The following G2E3 variants were observed in gnomAD, a reference collection of about 807,000 sequenced individuals.
The protein encoded by G2E3 is G2/M-phase specific E3 ubiquitin protein ligase, also known as G2/M phase-specific E3 ubiquitin-protein ligase.
Under a neutral mutation model 92.8 loss-of-function variants are expected in G2E3, and 35 were observed. The observed-to-expected ratio is 0.38, with a 90% CI of 0.29 to 0.50. The LOEUF is 0.50. G2E3 is among the 20% of genes least tolerant of loss of function. The pLI, the probability that G2E3 is intolerant of heterozygous loss-of-function variation, is 0.94. For synonymous variants in G2E3, 242 were observed against 272.4 expected (o/e 0.89, Z 1.10); for missense variants, 554 against 823.8 (o/e 0.67, Z 4.01).
intron 12 of G2E3, chr14:30,611,871 T>C (rs544274811): frequency 2.4e-4 from 42 of 173,088 alleles, no homozygotes; most frequent in Non-Finnish European, 4.4e-4. Context: ...AGGATGTTCT[T>C]GAACTTCTGG....
intron 13 of G2E3, among the ~76,000 whole-genome samples, chr14:30,615,039 G>A (rs1882249986): frequency 6.6e-6 from 1 of 152,042 alleles, no homozygotes; most frequent in Non-Finnish European, 1.5e-5. Context: ...AGATTTTGAT[G>A]TCTTTCTTAC....
Position 30,598,647 on chromosome 14 carries a change from T to C in G2E3, c.752+48T>C, listed in dbSNP as rs781329144. The C allele has an allele frequency of 5.2e-6, 6 of 1,151,358 alleles. No individual in the cohort carries two copies. In the East Asian group the frequency reaches 1.4e-4, roughly 27 times the overall value. The allele number at this position is 1,151,358 out of a possible 1,614,324, so 71.3% of individuals were successfully genotyped here. The stretch of plus-strand genomic sequence containing the variant: ...GCTTAGTGGTTCCTTGTTTAAACCT[T>C]CTGCTGAGAAAGTAGATTTTATAGT... On this transcript the variant is annotated intron_variant, in intron 8 of 14. Coordinates refer to ENST00000206595, the MANE Select transcript of G2E3 (RefSeq NM_017769.5).
At chr14:30,576,356 C>A (rs950427242) in intron 1 of G2E3, among the ~76,000 whole-genome samples, 1 of 152,154 alleles carries the variant, frequency 6.6e-6, no homozygotes, top group Non-Finnish European at 1.5e-5. Context: ...TAACACCATA[C>A]ACAAAAACCA....
intron 3 of G2E3, among the ~76,000 whole-genome samples, chr14:30,588,730 A>C (rs986475546): frequency 6.6e-6 from 1 of 152,194 alleles, no homozygotes; most frequent in Admixed American, 6.5e-5. Context: ...CAGAAGTTTC[A>C]GCAGAGCCTG....
intron 1 of G2E3, among the ~76,000 whole-genome samples, chr14:30,563,950 C>T (rs1229718182): frequency 2.6e-5 from 4 of 152,238 alleles, no homozygotes; most frequent in Admixed American, 1.3e-4. Context: ...AATTCCTGAC[C>T]TCAAGGGATC....
At chr14:30,601,588 T>G (rs1881569080) in intron 8 of G2E3, among the ~76,000 whole-genome samples, 182 bp from the exon 9 acceptor site, 1 of 152,174 alleles carries the variant, frequency 6.6e-6, no homozygotes, top group Admixed American at 6.5e-5. Flanking sequence ...GTGTGATAAG[T>G]TAGTTTTGGT....
intron 1 of G2E3, chr14:30,577,821 G>A (rs1340162392): frequency 6.6e-6 from 1 of 152,198 alleles, no homozygotes; most frequent in Admixed American, 6.5e-5. Context: ...AAGTATGAAA[G>A]TGTATCACTG....
At chr14:30,576,855 C>T in intron 1 of G2E3, among the ~76,000 whole-genome samples, 1 of 152,116 alleles carries the variant, frequency 6.6e-6, no homozygotes, top group Non-Finnish European at 1.5e-5. Context: ...CAATCAATTT[C>T]TCTTTCAAGT....
intron 1 of G2E3, among the ~76,000 whole-genome samples, chr14:30,570,187 C>T (rs112891974): frequency 2.0e-5 from 3 of 152,128 alleles, no homozygotes; most frequent in African/African-American, 7.2e-5. Context: ...GAATTTGGCT[C>T]TTAATCTTAT....
intron 1 of G2E3, among the ~76,000 whole-genome samples, chr14:30,572,616 A>T (rs1879833038): frequency 6.6e-6 from 1 of 152,170 alleles, no homozygotes; most frequent in Non-Finnish European, 1.5e-5. Context: ...TGAGATGGTC[A>T]TACTTTTTTC....
At chr14:30,586,128 A>G (rs573470885) in intron 2 of G2E3, among the ~76,000 whole-genome samples, 1 of 152,352 alleles carries the variant, frequency 6.6e-6, no homozygotes, top group South Asian at 2.1e-4. Flanking sequence ...GTTCTGAGGC[A>G]GGTGAAAGAA....
Position 30,612,333 on chromosome 14 carries a change from A to G in G2E3, c.1627A>G (p.Ile543Val). ...LSDKYMLVKD[I>V]LGYHVIQRVH... The stretch of plus-strand genomic sequence containing the variant: ...TGATAAATATATGTTAGTAAAAGAC[A>G]TACTTGGCTACCATGTAATTCAGAG... Residue 543 changes from isoleucine (I) to valine (V), a missense_variant, in exon 13 of 15, where the codon ATA (isoleucine) becomes GTA (valine). Transcript: ENST00000206595. 6.2e-7 allele frequency: 1 copy of G among 1,608,526 alleles called. No homozygotes were observed. The highest frequency in any genetic ancestry group is 8.5e-7 in the Non-Finnish European group (1 of 1,176,000).
intron 6 of G2E3, among the ~76,000 whole-genome samples, chr14:30,596,737 G>A (rs1000379087): frequency 1.3e-5 from 2 of 152,170 alleles, no homozygotes; most frequent in Admixed American, 6.5e-5. Flanking sequence ...ATTCCTTGAA[G>A]TCGAAGCTGT....
At chr14:30,562,845 A>G (rs537306789) in intron 1 of G2E3, among the ~76,000 whole-genome samples, 1 of 152,330 alleles carries the variant, frequency 6.6e-6, no homozygotes, top group Non-Finnish European at 1.5e-5. Flanking sequence ...ATAATGGTGT[A>G]AGCTGTCTCT....
intron 1 of G2E3, among the ~76,000 whole-genome samples, chr14:30,572,921 C>T (rs1879851828): frequency 6.6e-6 from 1 of 151,926 alleles, no homozygotes; most frequent in South Asian, 2.1e-4. Flanking sequence ...CTTCAATGCC[C>T]CTAGTACTCT....
chr14:30,570,491 T>G (rs1296828332), intron 1 of G2E3, among the ~76,000 whole-genome samples: 1 of 152,172 alleles, frequency 6.6e-6, no homozygotes, highest in African/African-American at 2.4e-5. Flanking sequence ...TACTTGATGG[T>G]GTCTCATAGT....
intron 2 of G2E3, among the ~76,000 whole-genome samples, chr14:30,582,536 A>G (rs968944302): frequency 1.3e-5 from 2 of 152,186 alleles, no homozygotes; most frequent in African/African-American, 4.8e-5. Context: ...CCCCTCTTCT[A>G]TAGTTTCAGC....
chr14:30,598,461 T>C (rs1881396551), intron 7 of G2E3, 22 bp from the exon 8 acceptor site: 1 of 1,369,626 alleles, frequency 7.3e-7, no homozygotes. Context: ...GGTCAAAGCA[T>C]ATTTTATATC....
intron 1 of G2E3, among the ~76,000 whole-genome samples, chr14:30,574,935 A>G (rs1045448645): frequency 6.6e-6 from 1 of 152,198 alleles, no homozygotes; most frequent in East Asian, 1.9e-4. Context: ...CTCTGGCTAT[A>G]TACCCAGTAA....
Sources: allele counts gnomAD v4.1 joint callset (sites outside exome capture counted in the v4.1 genomes callset), GRCh38; gene constraint gnomAD v4.1.1; transcripts MANE v1.5; gene names NCBI Gene and HGNC (gene_info 2026-07-23, HGNC 2026-07-21).